Variants in AGXT2 observed in about 807,000 individuals in gnomAD.
AGXT2 encodes alanine--glyoxylate aminotransferase 2, also known as alanine--glyoxylate aminotransferase 2, mitochondrial.
AGXT2 carries 61 observed loss-of-function variants against 62.5 expected under a neutral mutation model. That is an observed-to-expected ratio of 0.98 (90% CI 0.79 to 1.21). The LOEUF (loss-of-function observed/expected upper bound fraction) is 1.21. AGXT2 is among the 50% of genes most tolerant of loss of function. The pLI, the probability that AGXT2 is intolerant of heterozygous loss-of-function variation, is 0.00. For synonymous variants in AGXT2, 243 were observed against 218.7 expected, an observed-to-expected ratio of 1.11 and a Z score of -0.98; for missense variants, 666 against 641.5, an observed-to-expected ratio of 1.04 and a Z score of -0.41.
At chr5:35,003,564 T>C (rs1317838413) in intron 13 of AGXT2, among the ~76,000 whole-genome samples, 199 bp downstream of exon 13, 1 of 148,984 alleles carries the variant, frequency 6.7e-6, no homozygotes, top group Non-Finnish European at 1.5e-5. Flanking sequence ...GCCTGAGAGC[T>C]GCACTGTCTC....
chr5:35,009,781 CT>C (rs1310796102), intron 12 of AGXT2, among the ~76,000 whole-genome samples: 1 of 152,128 alleles, frequency 6.6e-6, no homozygotes, highest in Non-Finnish European at 1.5e-5. Flanking sequence ...ATGTTGGTTT[CT>C]TTTCCCAGTG....
chr5:35,036,914 T>C (rs1382124258), intron 4 of AGXT2, 28 bp downstream of exon 4: 1 of 1,613,514 alleles, frequency 6.2e-7, no homozygotes, highest in Admixed American at 1.7e-5. Flanking sequence ...CCCCATAACA[T>C]TCACCTCCTG....
chr5:35,033,365 T>C (rs1767641038), intron 6 of AGXT2, 95 bp downstream of exon 6: 1 of 982,490 alleles, frequency 1.0e-6, no homozygotes, highest in Non-Finnish European at 1.6e-6. Context: ...ACAGGCTTTA[T>C]ATTAGTTTCT....
rs866938332 is a variant in AGXT2 at position 35,015,938 on chromosome 5, A to T, written c.964-1819T>A. Among the ~76,000 whole-genome samples, 4 of 151,076 alleles carry T rather than the reference A, an allele frequency of 2.6e-5. No individual in the cohort carries two copies. The South Asian group carries it at 8.4e-4, about 32-fold the overall frequency. ...GACAGATTCCAGGGGTTAGAATTAG[A>T]TGATAGTGACCAGTGTAGGAGAAGA... On this transcript the variant is annotated intron_variant, in intron 9 of 13. Coordinates refer to ENST00000231420, the MANE Select transcript of AGXT2 (RefSeq NM_031900.4).
chr5:35,005,597 G>A (rs906217562), intron 12 of AGXT2, among the ~76,000 whole-genome samples: 2 of 151,440 alleles, frequency 1.3e-5, no homozygotes, highest in African/African-American at 4.9e-5. Context: ...GCACCCTCTT[G>A]GCTCCCTTGC....
intron 1 of AGXT2, among the ~76,000 whole-genome samples, chr5:35,044,676 C>A (rs1369857211): frequency 6.6e-6 from 1 of 152,174 alleles, no homozygotes; most frequent in Non-Finnish European, 1.5e-5. Flanking sequence ...TCATAACCTT[C>A]CAGTATATGC....
intron 9 of AGXT2, among the ~76,000 whole-genome samples, chr5:35,022,531 C>T (rs1159418431): frequency 2.0e-4 from 27 of 131,710 alleles, no homozygotes; most frequent in Non-Finnish European, 7.6e-5. Flanking sequence ...AATGAGAACA[C>T]GTGGACACAG....
chr5:35,039,499 A>C lies in AGXT2; in HGVS notation c.187T>G (p.Tyr63Asp). ...TTGTGGATTTCCAGGACACGGTTGT[A>C]GCCAAGGGACTGTAGATAAACAAGA... The part of the protein sequence containing the change: ...FMPERYQSLG[Y>D]NRVLEIHKEH... Residue 63 changes from tyrosine to aspartate, a missense_variant, in exon 3 of 14, where the codon TAC (tyrosine) becomes GAC (aspartate). Transcript: ENST00000231420. 2 of 1,613,892 alleles carry C rather than the reference A, an allele frequency of 1.2e-6. No homozygotes were observed. The highest frequency in any genetic ancestry group is 1.7e-6 in the Non-Finnish European group (2 of 1,179,812).
intron 7 of AGXT2, chr5:35,026,802 T>C (rs1767371019): frequency 1.0e-6 from 1 of 959,728 alleles, no homozygotes; most frequent in Non-Finnish European, 1.2e-6. Flanking sequence ...AAAGTGTCAT[T>C]GAGCTGGTAT....
chr5:35,047,812 G>GA lies in AGXT2; in HGVS notation c.80dup (p.Leu28ProfsTer25), dbSNP rs1425317824. 6 of 1,613,912 alleles carry GA rather than the reference G, an allele frequency of 3.7e-6. No individual in the cohort carries two copies. The highest frequency in any genetic ancestry group is 5.1e-6 in the Non-Finnish European group (6 of 1,179,992). On this transcript the variant is annotated frameshift_variant, in exon 1 of 14. Transcript: ENST00000231420. LOFTEE classifies it high-confidence loss of function. ...CCCCTGGTTTCCACTTACGGCTCAGGAAAGGATGCATCTCAAGGATCCTGG... is the reference window on the plus strand; with the variant it reads ...CCCCTGGTTTCCACTTACGGCTCAGGAAAAGGATGCATCTCAAGGATCCTGG...
At chr5:35,042,831 C>T (rs938887605) in intron 1 of AGXT2, among the ~76,000 whole-genome samples, 4 of 151,054 alleles carry the variant, frequency 2.6e-5, no homozygotes, top group African/African-American at 9.7e-5. Context: ...AAACTATATC[C>T]AAGGTCTATT....
rs1766570031 is a variant in AGXT2, at chr5:35,010,020, T to C, written c.1318A>G (p.Ile440Val). ...CCTACCTTATCCTGCACCATTTCTA[T>C]GCCTATCATGAGACCTTTGCCTCGG... ...DVRGKGLMIGIEMVQDKISCR... is the reference protein window; with the variant it reads ...DVRGKGLMIGVEMVQDKISCR... The change falls in exon 12 of 14, where the codon ATA becomes GTA. Residue 440 changes from isoleucine to valine, a missense_variant. Transcript: ENST00000231420. 6.2e-7 allele frequency: 1 copy of C among 1,614,242 alleles called. No individual in the cohort carries two copies. The highest frequency in any genetic ancestry group is 1.1e-5 in the South Asian group (1 of 91,090).
In AGXT2 at chr5:34,998,454, G is replaced by A. The variant is rs1580561691; in HGVS notation, c.*265C>T. ...TGCATAAACCAATCACTGCAAAGGGGAATCAAATTACCATACCTAACATAA... is the reference window on the plus strand; with the variant it reads ...TGCATAAACCAATCACTGCAAAGGGAAATCAAATTACCATACCTAACATAA... On this transcript the variant is annotated 3_prime_UTR_variant, in exon 14 of 14. Coordinates refer to ENST00000231420, the MANE Select transcript of AGXT2 (RefSeq NM_031900.4). The A allele has an allele frequency of 5.7e-6, 3 of 528,556 alleles. No homozygotes were observed. In the East Asian group the frequency reaches 1.0e-4, roughly 18 times the overall value. The allele number at this position is 528,556 out of a possible 1,614,324, so 32.7% of individuals were successfully genotyped here. A position where few individuals can be genotyped will look rare whatever the true frequency, so the allele number is the denominator to read the frequency against.
At chr5:35,026,811 A>C in intron 7 of AGXT2, 1 of 977,540 alleles carries the variant, frequency 1.0e-6, no homozygotes, top group Non-Finnish European at 1.2e-6. Flanking sequence ...TTGAGCTGGT[A>C]TAGATAGCTG....
At chr5:35,014,347 G>C (rs1766764704) in intron 9 of AGXT2, among the ~76,000 whole-genome samples, 1 of 151,054 alleles carries the variant, frequency 6.6e-6, no homozygotes, top group South Asian at 2.1e-4. Flanking sequence ...CAGCTACTCG[G>C]GAGGCTGAGA....
At chr5:35,022,946 T>G (rs973948444) in intron 9 of AGXT2, among the ~76,000 whole-genome samples, 2 of 151,368 alleles carry the variant, frequency 1.3e-5, no homozygotes, top group Non-Finnish European at 2.9e-5. Flanking sequence ...AAAGGGAAAG[T>G]TAGCATAAAA....
At chr5:35,020,696 T>C (rs550262120) in intron 9 of AGXT2, among the ~76,000 whole-genome samples, 11 of 152,294 alleles carry the variant, frequency 7.2e-5, no homozygotes, top group African/African-American at 2.6e-4. Flanking sequence ...CCACTCCTAT[T>C]CAACATAGTG....
intron 7 of AGXT2, among the ~76,000 whole-genome samples, chr5:35,032,064 A>T (rs2112262112): frequency 6.7e-6 from 1 of 149,732 alleles, no homozygotes; most frequent in East Asian, 2.0e-4. Flanking sequence ...GTGATTCTTG[A>T]GCCTCAGCCT....
At chr5:35,023,489 G>A (rs933560075) in intron 9 of AGXT2, among the ~76,000 whole-genome samples, 1 of 152,186 alleles carries the variant, frequency 6.6e-6, no homozygotes, top group African/African-American at 2.4e-5. Context: ...AAAACCACAA[G>A]ACAGAAAATT....
Sources: gnomAD v4.1 joint callset for allele counts (sites outside exome capture counted in the v4.1 genomes callset) on GRCh38, gnomAD v4.1.1 for gene constraint, MANE v1.5 for transcripts, NCBI Gene and HGNC (gene_info 2026-07-23, HGNC 2026-07-21) for gene names.